DNAH6: variants seen among roughly 807,000 people sequenced by gnomAD.
DNAH6 encodes the protein axonemal beta dynein heavy chain 6.
A neutral mutation model predicts 491.4 loss-of-function variants in DNAH6; 340 were observed. The observed-to-expected ratio is 0.69, with a 90% CI of 0.63 to 0.76. DNAH6 has a LOEUF of 0.76. DNAH6 is among the 30% of genes least tolerant of loss of function. The pLI is 0.00. For missense variants in DNAH6, 4,443 were observed against 4,972.2 expected (o/e 0.89, Z 3.20); for synonymous variants, 1,603 against 1,686.1 (o/e 0.95, Z 1.21).
chr2:84,552,846 C>T, intron 9 of DNAH6, 72 bp from the exon 10 acceptor site: 2 of 762,496 alleles, frequency 2.6e-6, no homozygotes, highest in South Asian at 2.4e-5. Context: ...GTTTACATGT[C>T]CCTTGTTTTT....
chr2:84,552,048 CAAAAAAAAA>C (rs34353031), intron 9 of DNAH6, among the ~76,000 whole-genome samples: 28 of 70,788 alleles, frequency 4.0e-4, no homozygotes, highest in African/African-American at 1.3e-3. Context: ...AACTCCGTCT[CAAAAAAAAA>C]AAAAAAAAAA....
intron 40 of DNAH6, among the ~76,000 whole-genome samples, chr2:84,675,454 C>A (rs1693148507): frequency 6.6e-6 from 1 of 152,146 alleles, no homozygotes; most frequent in South Asian, 2.1e-4. Flanking sequence ...GGCACACACT[C>A]TTCCCTTTGC....
intron 47 of DNAH6, 156 bp downstream of exon 47, chr2:84,697,883 T>C: frequency 1.3e-6 from 1 of 791,106 alleles, no homozygotes; most frequent in Non-Finnish European, 2.0e-6. Flanking sequence ...TTTCGGTGTT[T>C]AAAGCATTGG....
chr2:84,481,862 A>G, the DNAH6 span, among the ~76,000 whole-genome samples: 1 of 152,240 alleles, frequency 6.6e-6, no homozygotes, highest in Non-Finnish European at 1.5e-5. Flanking sequence ...GCAGTACCAC[A>G]GTAGCCCTAG....
intron 61 of DNAH6, among the ~76,000 whole-genome samples, chr2:84,732,034 G>A (rs1186441122): frequency 6.6e-6 from 1 of 152,184 alleles, no homozygotes. Flanking sequence ...GTAACTGTGA[G>A]CATTCCTAAG....
intron 56 of DNAH6, among the ~76,000 whole-genome samples, 168 bp downstream of exon 56, chr2:84,710,580 AG>A (rs1379070953): frequency 6.6e-6 from 1 of 151,994 alleles, no homozygotes; most frequent in Non-Finnish European, 1.5e-5. Flanking sequence ...ACATTGCAAG[AG>A]GGGTGGGAGG....
At chr2:84,787,411 G>A (rs747215495) in intron 68 of DNAH6, 109 bp downstream of exon 68, 2 of 772,588 alleles carry the variant, frequency 2.6e-6, no homozygotes, top group Non-Finnish European at 2.0e-6. Flanking sequence ...TTTAATGGTG[G>A]TGATGATGAT....
At chr2:84,705,339 C>A in intron 51 of DNAH6, 147 bp from the exon 52 acceptor site, 1 of 797,288 alleles carries the variant, frequency 1.3e-6, no homozygotes, top group Non-Finnish European at 1.9e-6. Context: ...TTGTGGTGCA[C>A]CTAACTACCA....
chr2:84,577,254 T>A lies in DNAH6; in HGVS notation c.1925-3T>A. ...TATGCTTTATGTGAATTTTTTTATG[T>A]AGATATTAACTTTTTTAGTGAACAA... On this transcript the variant is annotated splice_polypyrimidine_tract_variant and splice_region_variant and intron_variant, in intron 12 of 76. Coordinates refer to ENST00000389394, the MANE Select transcript of DNAH6 (RefSeq NM_001370.2). The A allele has an allele frequency of 6.4e-7, 1 of 1,559,922 alleles. No individual in the cohort carries two copies. Among genetic ancestry groups the A allele is most frequent in the South Asian group, 1.2e-5 (1 of 80,342 alleles).
chr2:84,616,877 A>T lies in DNAH6; in HGVS notation c.3476-9A>T. 3 of 1,417,632 alleles carry T rather than the reference A, an allele frequency of 2.1e-6. No homozygotes were observed. The highest frequency in any genetic ancestry group is 1.6e-5 in the South Asian group (1 of 62,410). The allele number at this position is 1,417,632 out of a possible 1,614,324, so 87.8% of individuals were successfully genotyped here. A position where few individuals can be genotyped will look rare whatever the true frequency, so the allele number is the denominator to read the frequency against. ...AGTTTTACCAATACTATTTTTTTTTAATGAACAGGACTTCTGGAAACTTTT... is the reference window on the plus strand; with the variant it reads ...AGTTTTACCAATACTATTTTTTTTTTATGAACAGGACTTCTGGAAACTTTT... On this transcript the variant is annotated splice_polypyrimidine_tract_variant and intron_variant, in intron 22 of 76. Transcript: ENST00000389394.
rs535662904 is a variant in DNAH6, at chr2:84,692,337, A to G, written c.7293-1912A>G. Among the ~76,000 whole-genome samples, 12 of 152,350 alleles carry G rather than the reference A, an allele frequency of 7.9e-5. 1 individual carries two copies. The South Asian group carries it at 2.5e-3, about 32-fold the overall frequency. On this transcript the variant is annotated intron_variant, in intron 45 of 76. Coordinates refer to ENST00000389394, the MANE Select transcript of DNAH6 (RefSeq NM_001370.2). ...GTTACAGTGACCATGTGATGTTTTC[A>G]TAATCAAAAAATAATAAAGCCACTA...
chr2:84,661,522 T>A (rs940562382), intron 37 of DNAH6, among the ~76,000 whole-genome samples: 6 of 152,064 alleles, frequency 3.9e-5, no homozygotes, highest in Admixed American at 3.3e-4. Context: ...AGTTAACAAA[T>A]GAAAATTTGA....
At chr2:84,707,419 A>G (rs1470642673) in intron 53 of DNAH6, 101 bp from the exon 54 acceptor site, 3 of 1,090,362 alleles carry the variant, frequency 2.8e-6, no homozygotes, top group African/African-American at 3.2e-5. Context: ...ATCATTAGCT[A>G]AATAATGCTA....
intron 2 of DNAH6, among the ~76,000 whole-genome samples, chr2:84,523,503 G>T (rs754306479): frequency 2.6e-5 from 4 of 151,682 alleles, no homozygotes; most frequent in Non-Finnish European, 4.4e-5. Context: ...CTACTTTGGG[G>T]TTGGTTTGCT....
the DNAH6 span, among the ~76,000 whole-genome samples, chr2:84,466,062 C>T: frequency 6.6e-6 from 1 of 152,160 alleles, no homozygotes. Context: ...TCCTCAAATA[C>T]CTATGAGTTG....
At chr2:84,518,723 G>T (rs1675842929) in intron 2 of DNAH6, among the ~76,000 whole-genome samples, 1 of 152,156 alleles carries the variant, frequency 6.6e-6, no homozygotes, top group Non-Finnish European at 1.5e-5. Flanking sequence ...CTGTGCCAGG[G>T]TTTGAGCCAT....
chr2:84,719,033 G>A (rs940973235), intron 59 of DNAH6, among the ~76,000 whole-genome samples: 3 of 152,084 alleles, frequency 2.0e-5, no homozygotes, highest in Admixed American at 6.5e-5. Context: ...TGCATACTAA[G>A]AACAAATGAT....
In DNAH6 at chr2:84,704,093, A is replaced by G; in HGVS notation, c.8256A>G (p.Glu2752=). 5 of 1,551,786 alleles carry G rather than the reference A, an allele frequency of 3.2e-6. No homozygotes were observed. The highest frequency in any genetic ancestry group is 4.4e-6 in the Non-Finnish European group (5 of 1,147,000). The change falls in exon 51 of 77, where the codon GAA becomes GAG. Residue 2752 remains glutamate, a synonymous_variant. Coordinates refer to ENST00000389394, the MANE Select transcript of DNAH6 (RefSeq NM_001370.2). The part of the protein sequence containing the change: ...DQVRNTVQED[E]ATAKVKAEET... ...TCCGTAACACTGTGCAGGAGGATGAAGCAACAGCAAAAGTCAAAGCTGAAG... is the reference window on the plus strand; with the variant it reads ...TCCGTAACACTGTGCAGGAGGATGAGGCAACAGCAAAAGTCAAAGCTGAAG...
At chr2:84,470,955 T>TG in the DNAH6 span, among the ~76,000 whole-genome samples, 1 of 152,054 alleles carries the variant, frequency 6.6e-6, no homozygotes, top group Non-Finnish European at 1.5e-5. Context: ...GATGAGAATG[T>TG]GGGGGTCAAA....
Sources: allele counts gnomAD v4.1 joint callset (sites outside exome capture counted in the v4.1 genomes callset), GRCh38; gene constraint gnomAD v4.1.1; transcripts MANE v1.5; gene names NCBI Gene and HGNC (gene_info 2026-07-23, HGNC 2026-07-21).